The following NCAPH2 variants were observed in gnomAD, a reference collection of about 807,000 sequenced individuals.
The protein encoded by NCAPH2 is condensin-2 complex subunit H2.
NCAPH2 carries 56 observed loss-of-function variants against 88.6 expected under a neutral mutation model. The ratio of observed to expected loss-of-function variants is 0.63; its 90% confidence interval spans 0.51 to 0.79. NCAPH2 has a LOEUF of 0.79. Among genes scored for constraint, NCAPH2 ranks in the 30% least tolerant of loss-of-function variants. The pLI is 0.00. For synonymous variants in NCAPH2, 378 were observed against 313.6 expected, an observed-to-expected ratio of 1.21 and a Z score of -2.17; for missense variants, 794 against 792.0, an observed-to-expected ratio of 1.00 and a Z score of -0.03.
chr22:50,517,386 C>T (rs373229326), intron 2 of NCAPH2, 41 bp from the exon 3 acceptor site: 3 of 1,608,820 alleles, frequency 1.9e-6, no homozygotes, highest in Non-Finnish European at 2.6e-6. Flanking sequence ...GGGGGTGGGC[C>T]CCTCCTTTCT....
rs374331509 is a variant in NCAPH2, at chr22:50,522,057, G to A, written c.1162+18G>A. ...CTTTGCAGGTGAGGCTGAAGTCCTC[G>A]GGGAAGACAGTTTTACTCTCCTTCC... is the stretch of plus-strand genomic sequence containing the variant. On this transcript the variant is annotated intron_variant, in intron 13 of 19. Coordinates refer to ENST00000420993, the MANE Select transcript of NCAPH2 (RefSeq NM_152299.4). The A allele has an allele frequency of 1.9e-5, 30 of 1,613,846 alleles. No individual in the cohort carries two copies. Among genetic ancestry groups the A allele is most frequent in the South Asian group, 1.6e-4 (15 of 91,088 alleles).
rs2069177017 is a variant in NCAPH2 at position 50,523,386 on chromosome 22, C to T, written c.*11C>T. On this transcript the variant is annotated 3_prime_UTR_variant, in exon 20 of 20. Transcript: ENST00000420993. ...ATGGCCCAGCCCTGAGTGGGGAGCA[C>T]CGAGGCAGGGGTGGGGGAATGTGTA... is the stretch of plus-strand genomic sequence containing the variant. 1 of 1,537,586 alleles carries T rather than the reference C, an allele frequency of 6.5e-7. No homozygotes were observed. Among genetic ancestry groups the T allele is most frequent in the South Asian group, 1.2e-5 (1 of 83,562 alleles).
In NCAPH2 at chr22:50,524,308, G is replaced by A; in HGVS notation, c.*933G>A. ...AGGGCCCTGCCTTGACAAAAGCCAG[G>A]ACCTCAGATGCAGGGCCTGGCCTCC... On this transcript the variant is annotated 3_prime_UTR_variant, in exon 20 of 20. Transcript: ENST00000420993. 6.2e-7 allele frequency: 1 copy of A among 1,602,402 alleles called. No homozygotes were observed.
chr22:50,524,348 G>C lies in NCAPH2; in HGVS notation c.*973G>C. ...GCCTGGCCTCCCAGGGTCCCAGGGA[G>C]GACCCGAGGCTTGAGCTGAGAGAGC... On this transcript the variant is annotated 3_prime_UTR_variant, in exon 20 of 20. Transcript: ENST00000420993. 1 of 1,602,024 alleles carries C rather than the reference G, an allele frequency of 6.2e-7. No homozygotes were observed.
In NCAPH2 at chr22:50,508,385, C is replaced by T. The variant is rs1407878998; in HGVS notation, c.48C>T (p.Arg16=). The T allele has an allele frequency of 6.7e-7, 1 of 1,486,932 alleles. No individual in the cohort carries two copies. The highest frequency in any genetic ancestry group is 8.9e-7 in the Non-Finnish European group (1 of 1,122,468). The allele number at this position is 1,486,932 out of a possible 1,614,324, so 92.1% of individuals were successfully genotyped here. A position where few individuals can be genotyped will look rare whatever the true frequency, so the allele number is the denominator to read the frequency against. ...TCGCCCACCTCTTGCAGCCCATCCG[C>T]GACCTCACCAAGAACTGGGAGGTGG... ...ARFAHLLQPI[R]DLTKNWEVDV... Residue 16 remains arginine, a synonymous_variant, in exon 1 of 20, where the codon CGC becomes CGT. Coordinates refer to ENST00000420993, the MANE Select transcript of NCAPH2 (RefSeq NM_152299.4).
Position 50,522,494 on chromosome 22 carries a change from CCAG to C in NCAPH2, c.1307-3_1307-1del. The C allele has an allele frequency of 6.2e-7, 1 of 1,613,640 alleles. No individual in the cohort carries two copies. Among genetic ancestry groups the C allele is most frequent in the Non-Finnish European group, 8.5e-7 (1 of 1,180,004 alleles). ...TGCGTGCTGTTCACTCTCCCACCTC[CCAG>C]CAGATGACTTTCTAGAGCCTGAGGA... On this transcript the variant is annotated splice_polypyrimidine_tract_variant and splice_region_variant and intron_variant, in intron 15 of 19. Transcript: ENST00000420993.
rs765295383 is a variant in NCAPH2, at chr22:50,522,937, C to T, written c.1527+15C>T. The T allele has an allele frequency of 6.2e-7, 1 of 1,612,492 alleles. No individual in the cohort carries two copies. Among genetic ancestry groups the T allele is most frequent in the South Asian group, 1.1e-5 (1 of 91,058 alleles). Reference sequence around the variant, plus strand: ...TCCAGGAGCAGGTGAGGCGGGGCCGCTGGGAACCAGAGCTGTGTGCCACGG... The same window carrying T: ...TCCAGGAGCAGGTGAGGCGGGGCCGTTGGGAACCAGAGCTGTGTGCCACGG... On this transcript the variant is annotated intron_variant, in intron 18 of 19. Coordinates refer to ENST00000420993, the MANE Select transcript of NCAPH2 (RefSeq NM_152299.4).
chr22:50,519,770 T>C (rs2069033818), intron 9 of NCAPH2: 1 of 991,074 alleles, frequency 1.0e-6, no homozygotes, highest in Non-Finnish European at 1.2e-6. Flanking sequence ...AGAGGAAATG[T>C]TAACGTTTCT....
rs370450171 is a variant in NCAPH2 at position 50,523,645 on chromosome 22, C to T, written c.*270C>T. 1.7e-5 allele frequency: 27 copies of T among 1,613,744 alleles called. No individual in the cohort carries two copies. Among genetic ancestry groups the T allele is most frequent in the Admixed American group, 3.3e-5 (2 of 60,004 alleles). On this transcript the variant is annotated 3_prime_UTR_variant, in exon 20 of 20. Coordinates refer to ENST00000420993, the MANE Select transcript of NCAPH2 (RefSeq NM_152299.4). Reference sequence around the variant, plus strand: ...GACACTGCGGAAAGCCGCCATGTGCCGCCGCACACTGTCTGAGATCTGCTC... The same window carrying T: ...GACACTGCGGAAAGCCGCCATGTGCTGCCGCACACTGTCTGAGATCTGCTC...
chr22:50,518,100 GTC>G (rs751669140), intron 6 of NCAPH2, 31 bp from the exon 7 acceptor site: 2 of 1,613,778 alleles, frequency 1.2e-6, no homozygotes, highest in Non-Finnish European at 1.7e-6. Flanking sequence ...CCTGGGAAGG[GTC>G]TCTACAGCAG....
intron 1 of NCAPH2, among the ~76,000 whole-genome samples, chr22:50,509,591 T>G (rs2068730239): frequency 6.6e-6 from 1 of 152,230 alleles, no homozygotes; most frequent in South Asian, 2.1e-4. Flanking sequence ...CTGGCCTGGA[T>G]TTGTGTAAAA....
At chr22:50,519,646 G>C (rs1203252338) in intron 9 of NCAPH2, 1 of 1,174,468 alleles carries the variant, frequency 8.5e-7, no homozygotes, top group Admixed American at 4.2e-5. Flanking sequence ...TGGTAGGAGG[G>C]AGTGTCTGGA....
rs17850507 is a variant in NCAPH2 at position 50,519,304 on chromosome 22, C to G, written c.845C>G (p.Ser282Cys). Residue 282 changes from serine (S) to cysteine (C), a missense_variant, in exon 9 of 20, where the codon TCC becomes TGC. By Grantham distance (112) the Ser-to-Cys change is moderately radical. Transcript: ENST00000420993. ...AAGGCCGCTCTGGAGCCCAAGGAGT[C>G]CAGGAGCCCGCAGCAGGTGGGACCC... ...APKAALEPKESRSPQQSAALP... is the reference protein window; with the variant it reads ...APKAALEPKECRSPQQSAALP... 1 of 1,607,932 alleles carries G rather than the reference C, an allele frequency of 6.2e-7. No homozygotes were observed. The highest frequency in any genetic ancestry group is 8.5e-7 in the Non-Finnish European group (1 of 1,177,908).
Position 50,522,387 on chromosome 22 carries a change from G to A in NCAPH2, c.1278G>A (p.Glu426=), listed in dbSNP as rs1440244310. The change falls in exon 15 of 20, where the codon GAG becomes GAA. Residue 426 remains glutamate (E), a synonymous_variant. Coordinates refer to ENST00000420993, the MANE Select transcript of NCAPH2 (RefSeq NM_152299.4). ...WLRPAEEDHL[E]DSLEDLGAAD... Reference sequence around the variant, plus strand: ...GGCCTGCAGAGGAGGACCACCTGGAGGATTCCCTGGAAGACCTGGGGGCAG... The same window carrying A: ...GGCCTGCAGAGGAGGACCACCTGGAAGATTCCCTGGAAGACCTGGGGGCAG... 1.2e-6 allele frequency: 2 copies of A among 1,609,620 alleles called. No individual in the cohort carries two copies. The highest frequency in any genetic ancestry group is 3.3e-5 in the Admixed American group (2 of 59,832).
At position 50,524,675 on chromosome 22, in the gene NCAPH2, G is replaced by A; in HGVS notation, c.*1300G>A. On this transcript the variant is annotated 3_prime_UTR_variant, in exon 20 of 20. Coordinates refer to ENST00000420993, the MANE Select transcript of NCAPH2 (RefSeq NM_152299.4). ...TGTCACCGCACCCTGCCCTGCACCT[G>A]CACCTCAGCAAGGTGAACCTCTTGC... 1 of 680,012 alleles carries A rather than the reference G, an allele frequency of 1.5e-6. No homozygotes were observed. The highest frequency in any genetic ancestry group is 2.8e-6 in the Non-Finnish European group (1 of 361,276). 42.1% of individuals were successfully genotyped at this position (680,012 alleles called of 1,614,324 possible).
chr22:50,519,074 C>T (rs927008657), intron 8 of NCAPH2, 116 bp from the exon 9 acceptor site: 262 of 1,064,510 alleles, frequency 2.5e-4, no homozygotes, highest in Non-Finnish European at 5.3e-5. Flanking sequence ...AGGCACCCGC[C>T]AAATCCTCTG....
Position 50,517,733 on chromosome 22 carries a change from C to T in NCAPH2, c.352-8C>T, listed in dbSNP as rs1403118481. ...GGCTCCGCCCCCACGAGCTCTGTCT[C>T]CCTCCAGTTCCTGTCGCTGGATGAC... On this transcript the variant is annotated splice_polypyrimidine_tract_variant and splice_region_variant and intron_variant, in intron 4 of 19. Coordinates refer to ENST00000420993, the MANE Select transcript of NCAPH2 (RefSeq NM_152299.4). 6.2e-7 allele frequency: 1 copy of T among 1,614,096 alleles called. No individual in the cohort carries two copies. The highest frequency in any genetic ancestry group is 8.5e-7 in the Non-Finnish European group (1 of 1,180,040).
At chr22:50,518,397 C>A in intron 7 of NCAPH2, 119 bp downstream of exon 7, 1 of 1,415,620 alleles carries the variant, frequency 7.1e-7, no homozygotes, top group Non-Finnish European at 9.5e-7. Context: ...CTCTGGGTGC[C>A]TGCTCTAGTC....
At chr22:50,522,279 T>C in intron 14 of NCAPH2, 28 bp downstream of exon 14, 1 of 1,610,820 alleles carries the variant, frequency 6.2e-7, no homozygotes, top group Non-Finnish European at 8.5e-7. Flanking sequence ...AGCTGTGATC[T>C]AGGACCCCGT....
Sources: gnomAD v4.1 joint callset for allele counts (sites outside exome capture counted in the v4.1 genomes callset) on GRCh38, gnomAD v4.1.1 for gene constraint, MANE v1.5 for transcripts, NCBI Gene and HGNC (gene_info 2026-07-23, HGNC 2026-07-21) for gene names.